The following EIF3A variants were observed in gnomAD, a reference collection of about 807,000 sequenced individuals.
EIF3A encodes the protein eukaryotic translation initiation factor 3 subunit A.
Under a neutral mutation model 186.6 loss-of-function variants are expected in EIF3A, and 21 were observed. The observed-to-expected ratio is 0.11, with a 90% CI of 0.08 to 0.16. The LOEUF is 0.16. Ranked by LOEUF, EIF3A falls within the 10% of genes least tolerant of loss-of-function variation. The pLI is 1.00. For synonymous variants in EIF3A, 563 were observed against 584.3 expected (o/e 0.96, Z 0.52); for missense variants, 1,306 against 1,796.3 (o/e 0.73, Z 4.93).
At chr10:119,057,218 A>G (rs1843796033) in intron 12 of EIF3A, among the ~76,000 whole-genome samples, 178 bp from the exon 13 acceptor site, 1 of 152,214 alleles carries the variant, frequency 6.6e-6, no homozygotes, top group African/African-American at 2.4e-5. Context: ...AAGGAAAAAA[A>G]TATCCATACA....
chr10:119,076,178 A>C (rs1316863234), intron 1 of EIF3A, among the ~76,000 whole-genome samples: 1 of 151,462 alleles, frequency 6.6e-6, no homozygotes, highest in Admixed American at 6.6e-5. Context: ...TAAAAATACA[A>C]AAAATTAGCT....
intron 14 of EIF3A, among the ~76,000 whole-genome samples, 185 bp from the exon 15 acceptor site, chr10:119,051,506 T>A (rs1457452408): frequency 6.6e-6 from 1 of 152,032 alleles, no homozygotes; most frequent in Non-Finnish European, 1.5e-5. Flanking sequence ...GGGCAAGAGG[T>A]AGACAAAGTA....
In EIF3A at chr10:119,049,918, C is replaced by T; in HGVS notation, c.2541G>A (p.Arg847=). 3 of 1,614,132 alleles carry T rather than the reference C, an allele frequency of 1.9e-6. No homozygotes were observed. The highest frequency in any genetic ancestry group is 1.7e-6 in the Non-Finnish European group (2 of 1,180,024). The change falls in exon 17 of 22, where the codon CGG becomes CGA. Residue 847 remains arginine, a synonymous_variant. Transcript: ENST00000369144. ...REEELREYQE[R]VKKLEEVERK... is the part of the protein sequence containing the mutation. The stretch of plus-strand genomic sequence containing the variant: ...TTTCCACTTCTTCTAATTTCTTCAC[C>T]CGCTCCTGATACTCTCGTAGCTCTT...
At chr10:119,067,583 G>C (rs1844001767) in intron 6 of EIF3A, among the ~76,000 whole-genome samples, 2 of 152,132 alleles carry the variant, frequency 1.3e-5, no homozygotes, top group Non-Finnish European at 2.9e-5. Flanking sequence ...AAGGAAGCAA[G>C]ACCCTATGAG....
At chr10:119,044,210 CCATT>C (rs1472725254) in intron 17 of EIF3A, 68 bp from the exon 18 acceptor site, 1 of 1,010,372 alleles carries the variant, frequency 9.9e-7, no homozygotes, top group East Asian at 2.4e-5. Flanking sequence ...ACTGGTATTA[CCATT>C]CAAATATTTT....
At chr10:119,080,476 C>A in intron 1 of EIF3A, 152 bp downstream of exon 1, 1 of 1,389,378 alleles carries the variant, frequency 7.2e-7, no homozygotes, top group Non-Finnish European at 9.3e-7. Flanking sequence ...GAAACCCATG[C>A]CCAACCACCG....
At chr10:119,049,130 C>A (rs1250645661) in intron 17 of EIF3A, among the ~76,000 whole-genome samples, 1 of 152,078 alleles carries the variant, frequency 6.6e-6, no homozygotes, top group East Asian at 1.9e-4. Flanking sequence ...CCTTAGGTGC[C>A]TTCTGTTCTT....
chr10:119,074,083 T>C lies in EIF3A; in HGVS notation c.50-146A>G, dbSNP rs533284816. 2.5e-5 allele frequency: 16 copies of C among 651,338 alleles called. No homozygotes were observed. In the South Asian group the frequency reaches 3.9e-4, roughly 16 times the overall value. 40.3% of individuals were successfully genotyped at this position (651,338 alleles called of 1,614,324 possible). A position where few individuals can be genotyped will look rare whatever the true frequency, so the allele number is the denominator to read the frequency against. ...ATTTTTGACTTCTAAAGCTATGCCA[T>C]AATTATCAAAAGTAAAACAACAGAA... On this transcript the variant is annotated intron_variant, in intron 1 of 21. Transcript: ENST00000369144.
At chr10:119,036,451 T>C (rs1848131369) in intron 21 of EIF3A, among the ~76,000 whole-genome samples, 183 bp from the exon 22 acceptor site, 1 of 152,114 alleles carries the variant, frequency 6.6e-6, no homozygotes, top group Non-Finnish European at 1.5e-5. Context: ...TTTCTGACAA[T>C]CTTTAACATA....
chr10:119,072,432 GGTTTTGTTTTGTTTTGTTTTGTTTT>G (rs59846549), intron 4 of EIF3A, among the ~76,000 whole-genome samples: 3 of 149,994 alleles, frequency 2.0e-5, no homozygotes, highest in African/African-American at 7.4e-5. Flanking sequence ...CAGTCATTTT[GGTTTTGTTTTGTTTTGTTTTGTTTT>G]GTTTTGTTTT....
chr10:119,047,720 A>C (rs944992396), intron 17 of EIF3A, among the ~76,000 whole-genome samples: 1 of 152,234 alleles, frequency 6.6e-6, no homozygotes, highest in Non-Finnish European at 1.5e-5. Flanking sequence ...ATGTATTCTT[A>C]AATTCCAAAA....
chr10:119,039,948 C>G (rs902457376), intron 19 of EIF3A, among the ~76,000 whole-genome samples: 2 of 152,100 alleles, frequency 1.3e-5, no homozygotes, highest in African/African-American at 2.4e-5. Flanking sequence ...AACATGAGTT[C>G]AGTATTCATG....
chr10:119,041,730 G>C (rs1438954339), intron 19 of EIF3A, among the ~76,000 whole-genome samples: 1 of 152,182 alleles, frequency 6.6e-6, no homozygotes, highest in Admixed American at 6.5e-5. Context: ...ATGAGTACAG[G>C]AAGAGCCTTC....
At chr10:119,065,710 T>C (rs1843961688) in intron 6 of EIF3A, 140 bp from the exon 7 acceptor site, 5 of 605,508 alleles carry the variant, frequency 8.3e-6, no homozygotes, top group Non-Finnish European at 1.2e-5. Flanking sequence ...CTCATAAATA[T>C]TATTCCATCA....
chr10:119,075,859 C>G (rs1296211856), intron 1 of EIF3A, among the ~76,000 whole-genome samples: 1 of 143,284 alleles, frequency 7.0e-6, no homozygotes, highest in African/African-American at 2.5e-5. Flanking sequence ...GACTACGGAG[C>G]TCGCCACCAC....
chr10:119,080,411 G>A (rs899650843), intron 1 of EIF3A: 1 of 985,328 alleles, frequency 1.0e-6, no homozygotes, highest in African/African-American at 1.7e-5. Flanking sequence ...AAAGGCCCCT[G>A]GGGCGACGGT....
rs1848223712 is a variant in EIF3A, at chr10:119,042,513, C to T, written c.3007G>A (p.Asp1003Asn). 6.2e-7 allele frequency: 1 copy of T among 1,614,198 alleles called. No homozygotes were observed. Among genetic ancestry groups the T allele is most frequent in the South Asian group, 1.1e-5 (1 of 91,080 alleles). ...TGACGCCAGTTTCCCCTGTCTTCAT[C>T]GGCAATTCGTCTGGGAGGCCTGTCA... ...DDDRPPRRIA[D>N]EDRGNWRHAD... Residue 1003 changes from aspartate to asparagine, a missense_variant, in exon 19 of 22, where the codon GAT (aspartate) becomes AAT (asparagine). Around this residue, in one of 8 missense-constraint regions of EIF3A, gnomAD observed 410 missense variants for 473.5 expected, o/e 0.87. Transcript: ENST00000369144. This position sits in a 1 kb window ranked among gnomAD's most constrained non-coding sequence, Gnocchi z 7.8.
chr10:119,078,772 A>T (rs1215130347), intron 1 of EIF3A, among the ~76,000 whole-genome samples: 1 of 152,178 alleles, frequency 6.6e-6, no homozygotes, highest in African/African-American at 2.4e-5. Context: ...GCCCTTCATG[A>T]ATCAAGCCTG....
intron 1 of EIF3A, among the ~76,000 whole-genome samples, chr10:119,080,099 C>T (rs1844238163): frequency 2.6e-5 from 4 of 152,230 alleles, no homozygotes; most frequent in Admixed American, 2.6e-4. Flanking sequence ...CAGCAAAGCA[C>T]TGAGCGCGGC....
Sources: gnomAD v4.1 joint callset for allele counts (sites outside exome capture counted in the v4.1 genomes callset) on GRCh38, gnomAD v4.1.1 for gene constraint, gnomAD v4.1.1 regional missense constraint, Gnocchi (gnomAD v3.1) non-coding constraint, MANE v1.5 for transcripts, NCBI Gene and HGNC (gene_info 2026-07-23, HGNC 2026-07-21) for gene names.